Variants in SLC43A2 observed in about 807,000 individuals in gnomAD.
SLC43A2 encodes solute carrier family 43 member 2, also known as large neutral amino acids transporter small subunit 4.
A neutral mutation model predicts 63.2 loss-of-function variants in SLC43A2; 38 were observed. That is an observed-to-expected ratio of 0.60 (90% CI 0.46 to 0.79). SLC43A2 has a LOEUF of 0.79. SLC43A2 is among the 30% of genes least tolerant of loss of function. The probability of loss-of-function intolerance (pLI) is 0.00; values close to 1 mark genes in which losing one functional copy is unlikely to be tolerated. For synonymous variants in SLC43A2, 322 were observed against 331.0 expected, an observed-to-expected ratio of 0.97 and a Z score of 0.30; for missense variants, 644 against 756.2, an observed-to-expected ratio of 0.85 and a Z score of 1.74.
intron 9 of SLC43A2, chr17:1,587,008 T>C: frequency 6.6e-7 from 1 of 1,518,164 alleles, no homozygotes. Flanking sequence ...GAGAGGTTAG[T>C]GGCAGAAATC....
chr17:1,600,899 A>G (rs1905940824), intron 5 of SLC43A2, among the ~76,000 whole-genome samples: 1 of 150,866 alleles, frequency 6.6e-6, no homozygotes, highest in Admixed American at 6.6e-5. Flanking sequence ...GTGAGGAATC[A>G]GGTTTCAGGA....
intron 11 of SLC43A2, among the ~76,000 whole-genome samples, chr17:1,579,116 G>A (rs1201421625): frequency 1.4e-5 from 2 of 144,352 alleles, no homozygotes; most frequent in African/African-American, 5.3e-5. Flanking sequence ...CTCCAGCCTG[G>A]TGACAAAGTG....
At chr17:1,627,652 A>AACCCCCCCCCCCCCAAACCCCCCC in intron 2 of SLC43A2, 63 bp downstream of exon 2, 1 of 227,124 alleles carries the variant, frequency 4.4e-6, no homozygotes. Flanking sequence ...CTTCGCCCCC[A>AACCCCCCCCCCCCCAAACCCCCCC]TCCCGCCCCC....
chr17:1,591,399 G>A lies in SLC43A2; in HGVS notation c.801C>T (p.Thr267=). The A allele has an allele frequency of 1.2e-6, 2 of 1,613,012 alleles. No individual in the cohort carries two copies. The highest frequency in any genetic ancestry group is 2.2e-5 in the South Asian group (2 of 91,086). ...ITGKQFYKQV[T]TVGRRLSVGS... ...CCACACTCAGGCGCCGGCCCACCGT[G>A]GTCACCTGCTTGTAGAACTGCTTCC... Residue 267 remains threonine (T), a synonymous_variant, in exon 8 of 14, where the codon ACC becomes ACT. Coordinates refer to ENST00000301335, the MANE Select transcript of SLC43A2 (RefSeq NM_152346.3).
At chr17:1,586,927 A>AGGGGCCCCCCCCCC in intron 9 of SLC43A2, 1 of 1,355,944 alleles carries the variant, frequency 7.4e-7, no homozygotes, top group South Asian at 1.3e-5. Context: ...TTCCCTGACA[A>AGGGGCCCCCCCCCC]TCCCCCCCAC....
chr17:1,585,805 C>T, intron 10 of SLC43A2, 108 bp downstream of exon 10: 1 of 1,603,166 alleles, frequency 6.2e-7, no homozygotes, highest in Non-Finnish European at 8.5e-7. Flanking sequence ...AGCTGGAGTG[C>T]ATTGCTCTCT....
rs181158157 is a variant in SLC43A2 at position 1,609,193 on chromosome 17, G to T, written c.501+4002C>A. Among the ~76,000 whole-genome samples, 73 of 152,272 alleles carry T rather than the reference G, an allele frequency of 4.8e-4. 1 individual carries two copies. The highest frequency in any genetic ancestry group is 1.5e-3 in the South Asian group (7 of 4,826). ...AAGACACTCGTGTACGTGCTGGTGG[G>T]CCTGTGGTGGCAGGCAGGCTTTTTT... On this transcript the variant is annotated intron_variant, in intron 5 of 13. Coordinates refer to ENST00000301335, the MANE Select transcript of SLC43A2 (RefSeq NM_152346.3).
At chr17:1,622,962 C>G (rs10445290) in intron 2 of SLC43A2, among the ~76,000 whole-genome samples, 1 of 151,758 alleles carries the variant, frequency 6.6e-6, no homozygotes, top group African/African-American at 2.4e-5. Context: ...AAAAATTAGC[C>G]GGGTATGGTG....
At chr17:1,602,585 G>A (rs960673075) in intron 5 of SLC43A2, among the ~76,000 whole-genome samples, 1 of 151,826 alleles carries the variant, frequency 6.6e-6, no homozygotes, top group East Asian at 1.9e-4. Context: ...GGCAGAGGTT[G>A]CAATGAGCCG....
intron 5 of SLC43A2, among the ~76,000 whole-genome samples, chr17:1,611,814 C>T (rs1421452735): frequency 2.0e-5 from 3 of 152,148 alleles, no homozygotes; most frequent in Non-Finnish European, 4.4e-5. Context: ...GGCGAGGTTT[C>T]CTTGATGGAC....
intron 10 of SLC43A2, among the ~76,000 whole-genome samples, chr17:1,584,463 G>A (rs888838391): frequency 1.3e-5 from 2 of 152,128 alleles, no homozygotes; most frequent in African/African-American, 4.8e-5. Context: ...TGGAGTCCTC[G>A]GTGGAGGGCC....
chr17:1,611,975 T>C (rs1006779956), intron 5 of SLC43A2, among the ~76,000 whole-genome samples: 2 of 152,116 alleles, frequency 1.3e-5, no homozygotes, highest in Non-Finnish European at 2.9e-5. Context: ...TTTTTTGTTG[T>C]TGTTTTTGAG....
At chr17:1,612,396 G>A (rs929729867) in intron 5 of SLC43A2, among the ~76,000 whole-genome samples, 1 of 152,182 alleles carries the variant, frequency 6.6e-6, no homozygotes, top group Non-Finnish European at 1.5e-5. Flanking sequence ...TCTCCCCCAG[G>A]CGACTGTCTG....
Position 1,570,675 on chromosome 17 carries a change from A to G in SLC43A2, c.*4929T>C, listed in dbSNP as rs1277908474. The G allele has an allele frequency of 6.7e-6, 1 of 149,830 alleles. No individual in the cohort carries two copies. The highest frequency in any genetic ancestry group is 1.5e-5 in the Non-Finnish European group (1 of 67,540). 9.3% of individuals were successfully genotyped at this position (149,830 alleles called of 1,614,324 possible). A position where few individuals can be genotyped will look rare whatever the true frequency, so the allele number is the denominator to read the frequency against. ...CTAATTTTTTGTATTTTTAGTAGAGACGGGGTTTCACCGTTTTAGCCGGGA... is the reference window on the plus strand; with the variant it reads ...CTAATTTTTTGTATTTTTAGTAGAGGCGGGGTTTCACCGTTTTAGCCGGGA... On this transcript the variant is annotated 3_prime_UTR_variant, in exon 14 of 14. Coordinates refer to ENST00000301335, the MANE Select transcript of SLC43A2 (RefSeq NM_152346.3).
chr17:1,619,693 A>G (rs961945687), intron 2 of SLC43A2, among the ~76,000 whole-genome samples: 1 of 152,236 alleles, frequency 6.6e-6, no homozygotes, highest in Non-Finnish European at 1.5e-5. Flanking sequence ...TTCAAATGTC[A>G]GCTCTGCCAG....
intron 2 of SLC43A2, among the ~76,000 whole-genome samples, chr17:1,619,497 G>T (rs901261618): frequency 6.6e-6 from 1 of 152,108 alleles, no homozygotes; most frequent in Non-Finnish European, 1.5e-5. Flanking sequence ...ACTTTCTCTC[G>T]GTTTTCCAAA....
At chr17:1,575,811 C>A in intron 13 of SLC43A2, 46 bp from the exon 14 acceptor site, 2 of 1,553,496 alleles carry the variant, frequency 1.3e-6, no homozygotes, top group South Asian at 1.2e-5. Context: ...GGTGGTGCGC[C>A]GAGGCTGCAG....
Position 1,595,668 on chromosome 17 carries a change from C to G in SLC43A2, c.502-2389G>C, listed in dbSNP as rs148676817. Among the ~76,000 whole-genome samples the G allele has an allele frequency of 7.1e-3, 1,084 of 151,626 alleles. 25 individuals are homozygous for G. The highest frequency in any genetic ancestry group is 0.026 in the African/African-American group (1,050 of 41,038). On this transcript the variant is annotated intron_variant, in intron 5 of 13. Coordinates refer to ENST00000301335, the MANE Select transcript of SLC43A2 (RefSeq NM_152346.3). Reference sequence around the variant, plus strand: ...ACCATGCTGCCAGGCTGGTCTTGAACTCCTGACCTCAAGCGATCCATCTAT... The same window carrying G: ...ACCATGCTGCCAGGCTGGTCTTGAAGTCCTGACCTCAAGCGATCCATCTAT...
At chr17:1,581,774 C>A (rs2151032046) in intron 11 of SLC43A2, among the ~76,000 whole-genome samples, 1 of 152,060 alleles carries the variant, frequency 6.6e-6, no homozygotes, top group Non-Finnish European at 1.5e-5. Context: ...AATCAGGTTC[C>A]AGAAGCCTCA....
Sources: gnomAD v4.1 joint callset for allele counts (sites outside exome capture counted in the v4.1 genomes callset) on GRCh38, gnomAD v4.1.1 for gene constraint, MANE v1.5 for transcripts, NCBI Gene and HGNC (gene_info 2026-07-23, HGNC 2026-07-21) for gene names.